Variants in CNTN2 observed in about 807,000 individuals in gnomAD.
CNTN2 encodes the protein contactin-2.
Under a neutral mutation model 117.5 loss-of-function variants are expected in CNTN2, and 53 were observed. That is an observed-to-expected ratio of 0.45 (90% CI 0.36 to 0.57). The LOEUF (loss-of-function observed/expected upper bound fraction) is 0.57, where lower values mean the gene tolerates loss of function less well. Among genes scored for constraint, CNTN2 ranks in the 20% least tolerant of loss-of-function variants. CNTN2 has a pLI of 0.00. For missense variants in CNTN2, 1,106 were observed against 1,404.3 expected, an observed-to-expected ratio of 0.79 and a Z score of 3.39; for synonymous variants, 530 against 561.7, an observed-to-expected ratio of 0.94 and a Z score of 0.80.
At chr1:205,060,357 G>GT (rs1479197757) in intron 7 of CNTN2, 1 of 152,180 alleles carries the variant, frequency 6.6e-6, no homozygotes, top group Non-Finnish European at 1.5e-5. Context: ...ATCTCCTATG[G>GT]TTACCTGGGA....
Position 205,066,975 on chromosome 1 carries a change from T to C in CNTN2, c.1976-126T>C, listed in dbSNP as rs1486792932. Reference sequence around the variant, plus strand: ...AATCATTTCTGAAAAAGGTACTGAGTGCTTAGTATATGGCAAGTACCGAAG... The same window carrying C: ...AATCATTTCTGAAAAAGGTACTGAGCGCTTAGTATATGGCAAGTACCGAAG... On this transcript the variant is annotated intron_variant, in intron 15 of 22. Coordinates refer to ENST00000331830, the MANE Select transcript of CNTN2 (RefSeq NM_005076.5). 4 of 1,178,862 alleles carry C rather than the reference T, an allele frequency of 3.4e-6. No individual in the cohort carries two copies. The East Asian group carries it at 9.8e-5, about 29-fold the overall frequency. 73.0% of individuals were successfully genotyped at this position (1,178,862 alleles called of 1,614,324 possible).
intron 2 of CNTN2, among the ~76,000 whole-genome samples, chr1:205,055,242 G>C (rs1480168151): frequency 6.6e-6 from 1 of 152,134 alleles, no homozygotes; most frequent in Non-Finnish European, 1.5e-5. Context: ...TCGAACTCTC[G>C]AGCTCAGGTG....
At position 205,059,197 on chromosome 1, in the gene CNTN2, G is replaced by A; in HGVS notation, c.601G>A (p.Asp201Asn). ...GTACATTGCCCGAACCAATGCCTCA[G>A]ACCTGGGCAACTACTCCTGTTTGGC... Reference protein sequence around the residue: ...NLYIARTNASDLGNYSCLATS... With the variant: ...NLYIARTNASNLGNYSCLATS... Residue 201 changes from aspartate to asparagine, a missense_variant, in exon 6 of 23, where the codon GAC becomes AAC. Physicochemically the swap from Asp to Asn is conservative, Grantham distance 23. Transcript: ENST00000331830. This position sits in a 1 kb window ranked among gnomAD's most constrained non-coding sequence, Gnocchi z 5.6. 6.2e-7 allele frequency: 1 copy of A among 1,614,188 alleles called. No individual in the cohort carries two copies. Among genetic ancestry groups the A allele is most frequent in the Non-Finnish European group, 8.5e-7 (1 of 1,180,026 alleles).
Position 205,058,445 on chromosome 1 carries a change from G to A in CNTN2, c.391+89G>A. On this transcript the variant is annotated intron_variant, in intron 4 of 22. Coordinates refer to ENST00000331830, the MANE Select transcript of CNTN2 (RefSeq NM_005076.5). The surrounding 1 kb of genome is among the most constrained non-coding windows in gnomAD (Gnocchi z 4.3). ...GAGAAAGGATAAGGGACACCCTCAA[G>A]CCGGGCCTTCCTGACCTCACATGAC... 2 of 1,542,188 alleles carry A rather than the reference G, an allele frequency of 1.3e-6. No individual in the cohort carries two copies. Among genetic ancestry groups the A allele is most frequent in the Non-Finnish European group, 1.8e-6 (2 of 1,133,548 alleles).
intron 20 of CNTN2, 142 bp from the exon 21 acceptor site, chr1:205,072,341 G>A (rs934500745): frequency 5.1e-6 from 4 of 788,936 alleles, no homozygotes; most frequent in African/African-American, 3.9e-5. Context: ...GGATTTTCAT[G>A]GGCTTTGTTT....
chr1:205,054,369 T>C (rs1289185862), intron 2 of CNTN2, among the ~76,000 whole-genome samples: 1 of 152,208 alleles, frequency 6.6e-6, no homozygotes, highest in Non-Finnish European at 1.5e-5. Flanking sequence ...GTGAGGCTGC[T>C]GGGAAACAGG....
chr1:205,059,329 C>T lies in CNTN2; in HGVS notation c.697+36C>T. On this transcript the variant is annotated intron_variant, in intron 6 of 22. Transcript: ENST00000331830. The surrounding 1 kb of genome is among the most constrained non-coding windows in gnomAD (Gnocchi z 5.6). ...GCCAGGCGTGGCTGGAGGGAGGGAA[C>T]TGGAAGGGTCAGCGGGCATTAGGAA... is the stretch of plus-strand genomic sequence containing the variant. The T allele has an allele frequency of 6.3e-7, 1 of 1,585,938 alleles. No individual in the cohort carries two copies. The highest frequency in any genetic ancestry group is 8.6e-7 in the Non-Finnish European group (1 of 1,158,828).
rs367839457 is a variant in CNTN2 at position 205,073,065 on chromosome 1, C to T, written c.2845-3C>T. The T allele has an allele frequency of 1.2e-5, 20 of 1,613,924 alleles. No homozygotes were observed. Among genetic ancestry groups the T allele is most frequent in the Non-Finnish European group, 1.6e-5 (19 of 1,179,976 alleles). ...ACTCCACCTGGAAACCTCCTTCCCA[C>T]AGATGCTGTACCAGAATGACTTACA... On this transcript the variant is annotated splice_polypyrimidine_tract_variant and splice_region_variant and intron_variant, in intron 21 of 22. Transcript: ENST00000331830. This position sits in a 1 kb window ranked among gnomAD's most constrained non-coding sequence, Gnocchi z 6.3.
chr1:205,054,862 C>T (rs1006304081), intron 2 of CNTN2, among the ~76,000 whole-genome samples: 2 of 152,206 alleles, frequency 1.3e-5, no homozygotes, highest in Non-Finnish European at 2.9e-5. Flanking sequence ...TCTTTAACTC[C>T]GTTCCTCTGC....
Position 205,048,593 on chromosome 1 carries a change from G to A in CNTN2, c.-86-4507G>A, listed in dbSNP as rs1207049352. On this transcript the variant is annotated intron_variant, in intron 1 of 22. Transcript: ENST00000331830. The surrounding 1 kb of genome is among the most constrained non-coding windows in gnomAD (Gnocchi z 4.1). Reference sequence around the variant, plus strand: ...CTCAGGGTTCGCAGGGCCAGCTCTGGGCCTGGCATAGCTCCACTCCAGCCT... The same window carrying A: ...CTCAGGGTTCGCAGGGCCAGCTCTGAGCCTGGCATAGCTCCACTCCAGCCT... Among the ~76,000 whole-genome samples, 2 of 152,124 alleles carry A rather than the reference G, an allele frequency of 1.3e-5. No homozygotes were observed. The highest frequency in any genetic ancestry group is 6.5e-5 in the Admixed American group (1 of 15,270).
chr1:205,062,221 T>C (rs950402347), intron 9 of CNTN2: 3 of 814,674 alleles, frequency 3.7e-6, no homozygotes, highest in Non-Finnish European at 5.6e-6. Flanking sequence ...AAAGAAGTGA[T>C]GTGGTCCTGA....
At position 205,072,526 on chromosome 1, in the gene CNTN2, C is replaced by G. The variant is rs1654649315; in HGVS notation, c.2775C>G (p.Ser925Arg). The change falls in exon 21 of 23, where the codon AGC becomes AGG. Residue 925 changes from serine (S) to arginine (R), a missense_variant. Ser to Arg is a moderately radical substitution (Grantham distance 110). Coordinates refer to ENST00000331830, the MANE Select transcript of CNTN2 (RefSeq NM_005076.5). ...PPGNISWTFS[S>R]SSLSIKWDPV... ...GCAACATCTCCTGGACTTTCTCAAG[C>G]TCTAGTCTTAGCATTAAGTGGGACC... 1 of 1,614,062 alleles carries G rather than the reference C, an allele frequency of 6.2e-7. No individual in the cohort carries two copies. Among genetic ancestry groups the G allele is most frequent in the African/African-American group, 1.3e-5 (1 of 74,932 alleles).
intron 12 of CNTN2, 86 bp downstream of exon 12, chr1:205,064,836 C>A: frequency 6.4e-7 from 1 of 1,557,374 alleles, no homozygotes; most frequent in South Asian, 1.2e-5. Context: ...GTCCACATTG[C>A]TCCTAGTTTG....
rs184654933 is a variant in CNTN2, at chr1:205,054,416, C to A, written c.70+1161C>A. On this transcript the variant is annotated intron_variant, in intron 2 of 22. Transcript: ENST00000331830. ...GTGTGGGGCGAGCCATCCAGCCCCCCAGGCCTCGCTACCTGTCCAAGGGTC... is the reference window on the plus strand; with the variant it reads ...GTGTGGGGCGAGCCATCCAGCCCCCAAGGCCTCGCTACCTGTCCAAGGGTC... 1.7e-3 allele frequency among the ~76,000 whole-genome samples: 257 copies of A among 152,334 alleles called. 1 individual carries two copies. In the Middle Eastern group the frequency reaches 0.031, roughly 18 times the overall value.
At chr1:205,064,254 G>T in intron 10 of CNTN2, 68 bp from the exon 11 acceptor site, 2 of 1,491,616 alleles carry the variant, frequency 1.3e-6, no homozygotes, top group Non-Finnish European at 1.8e-6. Context: ...GCTTCAAAGG[G>T]CACGCCAAGT....
chr1:205,047,094 G>A (rs1018518730), intron 1 of CNTN2, among the ~76,000 whole-genome samples: 6 of 152,216 alleles, frequency 3.9e-5, no homozygotes, highest in African/African-American at 1.4e-4. Context: ...CCTCGGGGAA[G>A]CAGCTGCAAT....
rs1467000407 is a variant in CNTN2, at chr1:205,069,325, G to T, written c.2126-166G>T. 8.3e-5 allele frequency: 47 copies of T among 569,192 alleles called. 1 individual carries two copies. The East Asian group carries it at 1.4e-3, about 17-fold the overall frequency. 35.3% of individuals were successfully genotyped at this position (569,192 alleles called of 1,614,324 possible). A position where few individuals can be genotyped will look rare whatever the true frequency, so the allele number is the denominator to read the frequency against. On this transcript the variant is annotated intron_variant, in intron 16 of 22. Coordinates refer to ENST00000331830, the MANE Select transcript of CNTN2 (RefSeq NM_005076.5). ...TGGCAGAGGTGGGATTTGATTTCAG[G>T]ACTGCCTGACTCCAAAGCCTATGTT...
rs771768285 is a variant in CNTN2 at position 205,067,216 on chromosome 1, T to C, written c.2091T>C (p.Ser697=). The C allele has an allele frequency of 6.2e-7, 1 of 1,613,952 alleles. No homozygotes were observed. Among genetic ancestry groups the C allele is most frequent in the Non-Finnish European group, 8.5e-7 (1 of 1,179,956 alleles). The change falls in exon 16 of 23, where the codon AGT becomes AGC. Residue 697 remains serine, a synonymous_variant. Transcript: ENST00000331830. ...ACATTCTGGGCACTGGGGAGCCTAGTGGGCCCTCCAGCAAAATCCGGACCA... is the reference window on the plus strand; with the variant it reads ...ACATTCTGGGCACTGGGGAGCCTAGCGGGCCCTCCAGCAAAATCCGGACCA... ...ASNILGTGEP[S]GPSSKIRTRE... is the part of the protein sequence containing the mutation.
rs924467351 is a variant in CNTN2, at chr1:205,058,040, C to T, written c.190C>T (p.Arg64Trp). The part of the protein sequence containing the change: ...EEQVLLACRA[R>W]ASPPATYRWK... Reference sequence around the variant, plus strand: ...GCAGGTGTTGCTGGCATGCCGCGCCCGGGCCAGCCCTCCAGCCACCTATCG... The same window carrying T: ...GCAGGTGTTGCTGGCATGCCGCGCCTGGGCCAGCCCTCCAGCCACCTATCG... The change falls in exon 3 of 23, where the codon CGG becomes TGG. Residue 64 changes from arginine to tryptophan, a missense_variant. Arg to Trp is a moderately radical substitution (Grantham distance 101, BLOSUM62 -3). Coordinates refer to ENST00000331830, the MANE Select transcript of CNTN2 (RefSeq NM_005076.5). The surrounding 1 kb of genome is among the most constrained non-coding windows in gnomAD (Gnocchi z 4.3). 1.1e-5 allele frequency: 18 copies of T among 1,613,504 alleles called. No homozygotes were observed. The highest frequency in any genetic ancestry group is 2.2e-5 in the East Asian group (1 of 44,856).
Sources: gnomAD v4.1 joint callset for allele counts (sites outside exome capture counted in the v4.1 genomes callset) on GRCh38, gnomAD v4.1.1 for gene constraint, Gnocchi (gnomAD v3.1) non-coding constraint, MANE v1.5 for transcripts, NCBI Gene and HGNC (gene_info 2026-07-23, HGNC 2026-07-21) for gene names.